The following DLGAP2 variants were observed in gnomAD, a reference collection of about 807,000 sequenced individuals.
The protein encoded by DLGAP2 is disks large-associated protein 2.
In DLGAP2, 26 loss-of-function variants were observed where a neutral mutation model predicts 100.3. The ratio of observed to expected loss-of-function variants is 0.26; its 90% confidence interval spans 0.19 to 0.36. The LOEUF is 0.36. Ranked by LOEUF, DLGAP2 falls within the 10% of genes least tolerant of loss-of-function variation. DLGAP2 has a pLI of 1.00. For missense variants in DLGAP2, 1,858 were observed against 1,453.2 expected (o/e 1.28, Z -4.53); for synonymous variants, 886 against 630.1 (o/e 1.41, Z -6.08).
intron 1 of DLGAP2, among the ~76,000 whole-genome samples, chr8:790,692 G>A (rs35354978): frequency 0.25 from 38,362 of 152,040 alleles, 5,976 homozygotes; most frequent in African/African-American, 0.44. Flanking sequence ...TTCATTTTAG[G>A]GGAGATAAAT....
intron 1 of DLGAP2, among the ~76,000 whole-genome samples, chr8:868,876 G>A (rs757877202): frequency 2.6e-5 from 4 of 152,340 alleles, no homozygotes; most frequent in Non-Finnish European, 5.9e-5. Context: ...AGTGGGGGCC[G>A]CGCAGGTTCC....
intron 3 of DLGAP2, among the ~76,000 whole-genome samples, chr8:1,379,326 C>T (rs1350736392): frequency 2.6e-5 from 4 of 152,270 alleles, no homozygotes; most frequent in Non-Finnish European, 5.9e-5. Context: ...GCCTAAGAGC[C>T]GCGTCTTTGC....
At chr8:1,031,020 G>A (rs890599777) in intron 2 of DLGAP2, among the ~76,000 whole-genome samples, 1 of 152,214 alleles carries the variant, frequency 6.6e-6, no homozygotes, top group Admixed American at 6.5e-5. Flanking sequence ...TTTAGAAAAG[G>A]TTGTTTTTCC....
At chr8:1,517,117 G>C (rs968161141) in intron 4 of DLGAP2, among the ~76,000 whole-genome samples, 6 of 152,136 alleles carry the variant, frequency 3.9e-5, no homozygotes, top group Non-Finnish European at 5.9e-5. Flanking sequence ...TCATTCCCCA[G>C]GTTGAAGACA....
intron 1 of DLGAP2, among the ~76,000 whole-genome samples, chr8:889,699 T>C (rs1406948809): frequency 1.3e-5 from 2 of 152,190 alleles, no homozygotes; most frequent in Non-Finnish European, 2.9e-5. Context: ...TTTAGCATGT[T>C]AGGCCATTGT....
At chr8:1,187,783 T>C (rs1248837937) in intron 2 of DLGAP2, among the ~76,000 whole-genome samples, 280 of 85,738 alleles carry the variant, frequency 3.3e-3, no homozygotes, top group Middle Eastern at 0.014. Flanking sequence ...CCGGGACCTC[T>C]GTGACGTTTG....
chr8:1,316,210 C>T (rs1362837865), intron 3 of DLGAP2, among the ~76,000 whole-genome samples: 4 of 127,696 alleles, frequency 3.1e-5, no homozygotes, highest in Non-Finnish European at 5.0e-5. Flanking sequence ...TGTACGAGTG[C>T]AGCGTCTCTC....
chr8:1,323,045 T>C (rs1800942251), intron 3 of DLGAP2, among the ~76,000 whole-genome samples: 2 of 152,122 alleles, frequency 1.3e-5, no homozygotes. Flanking sequence ...TTTTTTTTTT[T>C]TTTGAGACAG....
chr8:1,507,080 G>A (rs1045611641), intron 4 of DLGAP2, among the ~76,000 whole-genome samples: 3 of 152,218 alleles, frequency 2.0e-5, no homozygotes, highest in Non-Finnish European at 2.9e-5. Flanking sequence ...AGTCCCCACC[G>A]GACTCAGGAG....
intron 3 of DLGAP2, chr8:1,302,070 G>T (rs560037667): frequency 6.6e-6 from 1 of 152,320 alleles, no homozygotes; most frequent in Admixed American, 6.5e-5. Context: ...GGGGAAAAGG[G>T]TGCCTGTAGC....
intron 2 of DLGAP2, among the ~76,000 whole-genome samples, chr8:1,180,479 C>G (rs1797358118): frequency 6.6e-6 from 1 of 152,262 alleles, no homozygotes; most frequent in African/African-American, 2.4e-5. Flanking sequence ...CAGGCAGGAG[C>G]CACCGTGCCC....
chr8:853,487 C>T (rs1306887981), intron 1 of DLGAP2, among the ~76,000 whole-genome samples: 1 of 152,196 alleles, frequency 6.6e-6, no homozygotes, highest in African/African-American at 2.4e-5. Flanking sequence ...GTACAGGATG[C>T]CCCTCATCAG....
chr8:1,386,639 C>G (rs569734274), intron 3 of DLGAP2, among the ~76,000 whole-genome samples: 4 of 152,164 alleles, frequency 2.6e-5, no homozygotes, highest in African/African-American at 7.2e-5. Context: ...ATGTGCTGAC[C>G]CAGAAACGAG....
intron 11 of DLGAP2, among the ~76,000 whole-genome samples, chr8:1,677,586 T>C (rs1798840307): frequency 6.6e-6 from 1 of 152,204 alleles, no homozygotes. Context: ...ACGCTCACAG[T>C]GTTCTCACCC....
chr8:958,122 C>T (rs983393326), intron 2 of DLGAP2, among the ~76,000 whole-genome samples: 16 of 152,228 alleles, frequency 1.1e-4, no homozygotes, highest in Admixed American at 4.6e-4. Flanking sequence ...TTCTCAAAAG[C>T]GGAGTTATAC....
At chr8:903,950 A>G (rs1584877915) in intron 1 of DLGAP2, among the ~76,000 whole-genome samples, 3 of 152,188 alleles carry the variant, frequency 2.0e-5, no homozygotes, top group Admixed American at 2.0e-4. Flanking sequence ...GCTGCACGGG[A>G]GGCATCAGGG....
At chr8:1,645,338 A>T (rs955430185) in intron 8 of DLGAP2, among the ~76,000 whole-genome samples, 1 of 152,362 alleles carries the variant, frequency 6.6e-6, no homozygotes, top group African/African-American at 2.4e-5. Context: ...TAGTCAACAC[A>T]TTATAAAACA....
intron 2 of DLGAP2, among the ~76,000 whole-genome samples, chr8:1,005,739 G>C (rs184762550): frequency 9.5e-4 from 144 of 152,186 alleles, no homozygotes; most frequent in Non-Finnish European, 1.9e-3. Context: ...CAGTGTTTAA[G>C]CCATGCCTTG....
chr8:1,085,549 C>G (rs1439652641), intron 2 of DLGAP2, among the ~76,000 whole-genome samples: 1 of 152,154 alleles, frequency 6.6e-6, no homozygotes, highest in Non-Finnish European at 1.5e-5. Flanking sequence ...CGTGTGTATT[C>G]TCAGCGCCTT....
Sources: gnomAD v4.1 joint callset for allele counts (sites outside exome capture counted in the v4.1 genomes callset) on GRCh38, gnomAD v4.1.1 for gene constraint, MANE v1.5 for transcripts, NCBI Gene and HGNC (gene_info 2026-07-23, HGNC 2026-07-21) for gene names.